Variants in LEKR1 observed in about 807,000 individuals in gnomAD.
LEKR1 encodes the protein protein LEKR1.
Under a neutral mutation model 72.4 loss-of-function variants are expected in LEKR1, and 59 were observed. The ratio of observed to expected loss-of-function variants is 0.82; its 90% confidence interval spans 0.66 to 1.01. The LOEUF (loss-of-function observed/expected upper bound fraction) is 1.01. LEKR1 is among the 50% of genes least tolerant of loss of function. The probability of loss-of-function intolerance (pLI) is 0.00; values close to 1 mark genes in which losing one functional copy is unlikely to be tolerated. For synonymous variants in LEKR1, 257 were observed against 263.2 expected (o/e 0.98, Z 0.23); for missense variants, 728 against 759.2 (o/e 0.96, Z 0.48).
chr3:156,953,545 T>A (rs764025058), intron 6 of LEKR1, among the ~76,000 whole-genome samples: 1 of 151,606 alleles, frequency 6.6e-6, no homozygotes, highest in Non-Finnish European at 1.5e-5. Context: ...TGTGTTGTTT[T>A]CCCCATGTGT....
intron 3 of LEKR1, among the ~76,000 whole-genome samples, chr3:156,875,109 C>G (rs1718402483): frequency 6.6e-6 from 1 of 152,178 alleles, no homozygotes; most frequent in Admixed American, 6.5e-5. Context: ...AATCTCCACA[C>G]TGTTTTCCAT....
chr3:156,941,656 A>G (rs181541749), intron 5 of LEKR1, among the ~76,000 whole-genome samples: 3 of 152,240 alleles, frequency 2.0e-5, no homozygotes, highest in Admixed American at 6.6e-5. Flanking sequence ...ATGTCTGAAA[A>G]AGCAGACTGT....
At chr3:156,860,193 CAAATT>C (rs1204682841) in intron 3 of LEKR1, among the ~76,000 whole-genome samples, 1 of 151,970 alleles carries the variant, frequency 6.6e-6, no homozygotes, top group Non-Finnish European at 1.5e-5. Flanking sequence ...GTTTTTTAGT[CAAATT>C]AAATATTATT....
intron 5 of LEKR1, among the ~76,000 whole-genome samples, chr3:156,938,428 G>A (rs542980277): frequency 1.3e-5 from 2 of 152,278 alleles, no homozygotes; most frequent in South Asian, 4.1e-4. Context: ...TGCCCAGGCT[G>A]GAGTGCAGTG....
chr3:157,031,771 G>A (rs115444818), intron 12 of LEKR1, among the ~76,000 whole-genome samples: 2,134 of 152,230 alleles, frequency 0.014, 21 homozygotes, highest in Admixed American at 0.024. Context: ...TTAAGAGGAG[G>A]AAAGCCCTGT....
chr3:156,938,052 G>A (rs570297300), intron 5 of LEKR1, among the ~76,000 whole-genome samples: 2 of 152,230 alleles, frequency 1.3e-5, no homozygotes, highest in South Asian at 4.1e-4. Flanking sequence ...GGATAGCAGG[G>A]ATCAGCTTTG....
intron 2 of LEKR1, among the ~76,000 whole-genome samples, chr3:156,851,933 ACTATCT>A (rs1397118283): frequency 3.9e-5 from 6 of 152,194 alleles, no homozygotes; most frequent in Admixed American, 3.3e-4. Flanking sequence ...AGAAAAAAGA[ACTATCT>A]CCCTTCTGAC....
intron 3 of LEKR1, among the ~76,000 whole-genome samples, chr3:156,868,756 C>T (rs962851141): frequency 2.3e-4 from 35 of 151,892 alleles, no homozygotes; most frequent in African/African-American, 8.5e-4. Flanking sequence ...ACTAGAGTCA[C>T]CTAACTCTGC....
intron 10 of LEKR1, among the ~76,000 whole-genome samples, chr3:157,022,100 C>G (rs574657204): frequency 1.3e-5 from 2 of 152,254 alleles, no homozygotes; most frequent in East Asian, 3.9e-4. Flanking sequence ...CACCCTGCAA[C>G]AGGCCAAGGC....
At chr3:156,899,334 A>G (rs1398787315) in intron 3 of LEKR1, among the ~76,000 whole-genome samples, 1 of 130,888 alleles carries the variant, frequency 7.6e-6, no homozygotes, top group Non-Finnish European at 1.7e-5. Context: ...ACATATATAC[A>G]TATATACACA....
intron 3 of LEKR1, among the ~76,000 whole-genome samples, chr3:156,909,727 G>C (rs1205861120): frequency 1.3e-5 from 2 of 149,296 alleles, no homozygotes; most frequent in Non-Finnish European, 3.0e-5. Context: ...TTCCATTTCT[G>C]TGAGAAAAGT....
At chr3:156,959,674 T>G (rs578015316) in intron 6 of LEKR1, among the ~76,000 whole-genome samples, 23 of 152,294 alleles carry the variant, frequency 1.5e-4, no homozygotes, top group Non-Finnish European at 3.2e-4. Flanking sequence ...TATCCATGCC[T>G]TTAGTTGTTC....
intron 7 of LEKR1, among the ~76,000 whole-genome samples, chr3:156,992,109 G>A (rs1340221861): frequency 1.3e-5 from 2 of 152,154 alleles, no homozygotes; most frequent in African/African-American, 4.8e-5. Context: ...CAGAATTTAT[G>A]TGGAGTATTT....
At chr3:156,829,433 A>T in intron 2 of LEKR1, 56 bp downstream of exon 2, 1 of 1,271,426 alleles carries the variant, frequency 7.9e-7, no homozygotes, top group Non-Finnish European at 1.1e-6. Context: ...CAGTTACATA[A>T]TTCTAAAACC....
chr3:156,995,225 A>C (rs1731466457), intron 9 of LEKR1, among the ~76,000 whole-genome samples: 1 of 152,220 alleles, frequency 6.6e-6, no homozygotes, highest in Non-Finnish European at 1.5e-5. Flanking sequence ...AGTAGAATAT[A>C]TATATAGCTT....
intron 9 of LEKR1, among the ~76,000 whole-genome samples, chr3:157,009,631 T>A (rs1047341222): frequency 6.6e-6 from 1 of 152,108 alleles, no homozygotes; most frequent in Non-Finnish European, 1.5e-5. Flanking sequence ...ATTGCTACAT[T>A]ACACAACTAT....
At chr3:156,975,747 A>G (rs1342145244) in intron 6 of LEKR1, among the ~76,000 whole-genome samples, 1 of 152,166 alleles carries the variant, frequency 6.6e-6, no homozygotes, top group Non-Finnish European at 1.5e-5. Context: ...TTTACTTCTT[A>G]TTTAATATCT....
Position 156,899,354 on chromosome 3 carries a change from GTA to G in LEKR1, c.264-21214_264-21213del, listed in dbSNP as rs1560063442. ...TATACATATATACACATATATACAT[GTA>G]TATATACATATATACATATATACAC... On this transcript the variant is annotated intron_variant, in intron 3 of 12. Coordinates refer to ENST00000356539, the MANE Select transcript of LEKR1 (RefSeq NM_001004316.3). Among the ~76,000 whole-genome samples the G allele has an allele frequency of 2.8e-5, 3 of 106,356 alleles. No homozygotes were observed. In the East Asian group the frequency reaches 7.4e-4, roughly 26 times the overall value. 69.8% of individuals were successfully genotyped at this position (106,356 alleles called of 152,430 possible). A position where few individuals can be genotyped will look rare whatever the true frequency, so the allele number is the denominator to read the frequency against.
chr3:156,887,089 T>C (rs556853065), intron 3 of LEKR1, among the ~76,000 whole-genome samples: 3 of 152,362 alleles, frequency 2.0e-5, no homozygotes, highest in South Asian at 2.1e-4. Flanking sequence ...TTAATATCAA[T>C]ATTTTGAATT....
Sources: allele counts gnomAD v4.1 joint callset (sites outside exome capture counted in the v4.1 genomes callset), GRCh38; gene constraint gnomAD v4.1.1; transcripts MANE v1.5; gene names NCBI Gene and HGNC (gene_info 2026-07-23, HGNC 2026-07-21).